The following RBM23 variants were observed in gnomAD, a reference collection of about 807,000 sequenced individuals.
RBM23 encodes the protein probable RNA-binding protein 23.
In RBM23, 53 loss-of-function variants were observed where a neutral mutation model predicts 56.2. That is an observed-to-expected ratio of 0.94 (90% CI 0.76 to 1.19). The LOEUF is 1.19. Among genes scored for constraint, RBM23 ranks in the 50% most tolerant of loss-of-function variants. The pLI is 0.00. For synonymous variants in RBM23, 197 were observed against 198.5 expected (o/e 0.99, Z 0.06); for missense variants, 642 against 590.3 (o/e 1.09, Z -0.91).
At chr14:22,910,938 G>A (rs1408217689) in intron 2 of RBM23, among the ~76,000 whole-genome samples, 2 of 152,142 alleles carry the variant, frequency 1.3e-5, no homozygotes, top group African/African-American at 2.4e-5. Flanking sequence ...TTGAACCCAG[G>A]AGGCGGAGGT....
intron 1 of RBM23, among the ~76,000 whole-genome samples, chr14:22,913,292 T>TAGTC (rs2042907999): frequency 6.6e-6 from 1 of 150,632 alleles, no homozygotes; most frequent in Non-Finnish European, 1.5e-5. Context: ...CGGGTGCTTG[T>TAGTC]AGTCCCAGCT....
rs1384370391 is a variant in RBM23, at chr14:22,893,682, C to T, written c.*8048G>A. The T allele has an allele frequency of 1.3e-5, 2 of 152,130 alleles. No homozygotes were observed. The highest frequency in any genetic ancestry group is 2.9e-5 in the Non-Finnish European group (2 of 68,038). 9.4% of individuals were successfully genotyped at this position (152,130 alleles called of 1,614,324 possible). ...GCACAGAGAAGAAACAGTGGGCAGC[C>T]CACCACATGAGGAAAAGGCCCTTCC... On this transcript the variant is annotated 3_prime_UTR_variant, in exon 14 of 14. Transcript: ENST00000359890.
intron 2 of RBM23, among the ~76,000 whole-genome samples, chr14:22,910,705 TA>T (rs1024780669): frequency 2.0e-5 from 3 of 151,540 alleles, no homozygotes; most frequent in Non-Finnish European, 4.4e-5. Flanking sequence ...CCTGTCTCTA[TA>T]AAAAATATAT....
rs183792993 is a variant in RBM23 at position 22,898,542 on chromosome 14, G to A, written c.*3188C>T. On this transcript the variant is annotated 3_prime_UTR_variant, in exon 14 of 14. Coordinates refer to ENST00000359890, the MANE Select transcript of RBM23 (RefSeq NM_001077351.2). ...GGGATGAGTAACAAGAAGGCACTGA[G>A]TCACACACGGACAGCAACTGTCACT... is the stretch of plus-strand genomic sequence containing the variant. The A allele has an allele frequency of 6.6e-6, 1 of 152,060 alleles. No homozygotes were observed. Among genetic ancestry groups the A allele is most frequent in the Admixed American group, 6.6e-5 (1 of 15,244 alleles). The allele number at this position is 152,060 out of a possible 1,614,324, so 9.4% of individuals were successfully genotyped here.
In RBM23 at chr14:22,902,056, G is replaced by GGCAGCAGCA; in HGVS notation, c.1161_1169dup (p.Ala391_Ala393dup). The GGCAGCAGCA allele has an allele frequency of 3.1e-6, 5 of 1,605,896 alleles. No individual in the cohort carries two copies. In the South Asian group the frequency reaches 4.4e-5, roughly 14 times the overall value. Reference sequence around the variant, plus strand: ...GCAAGGCAGCAGCCTGGGCGGCGGCGGCAGCAGCAGCAGCAGCAGTGCTTG... The same window carrying GGCAGCAGCA: ...GCAAGGCAGCAGCCTGGGCGGCGGCGGCAGCAGCAGCAGCAGCAGCAGCAGCAGTGCTTG... On this transcript the variant is annotated inframe_insertion, in exon 12 of 14. Transcript: ENST00000359890.
At chr14:22,918,397 A>AAGT (rs751199381) in intron 1 of RBM23, among the ~76,000 whole-genome samples, 316 of 86,902 alleles carry the variant, frequency 3.6e-3, no homozygotes, top group African/African-American at 7.4e-3. Context: ...CGCCTTAAAA[A>AAGT]AATAAAAAAA....
At chr14:22,916,688 A>G (rs2043567473) in intron 1 of RBM23, among the ~76,000 whole-genome samples, 1 of 152,070 alleles carries the variant, frequency 6.6e-6, no homozygotes, top group African/African-American at 2.4e-5. Flanking sequence ...CAGTATACCA[A>G]GATACCTACT....
rs1020578067 is a variant in RBM23 at position 22,896,783 on chromosome 14, C to G, written c.*4947G>C. 3.3e-5 allele frequency: 5 copies of G among 152,224 alleles called. No homozygotes were observed. The highest frequency in any genetic ancestry group is 1.2e-4 in the African/African-American group (5 of 41,448). 9.4% of individuals were successfully genotyped at this position (152,224 alleles called of 1,614,324 possible). A position where few individuals can be genotyped will look rare whatever the true frequency, so the allele number is the denominator to read the frequency against. ...AAGTTGGTTGGTCTGCTTCACCTCACTTTCACAGAGCTCTCTCAACCAAGG... is the reference window on the plus strand; with the variant it reads ...AAGTTGGTTGGTCTGCTTCACCTCAGTTTCACAGAGCTCTCTCAACCAAGG... On this transcript the variant is annotated 3_prime_UTR_variant, in exon 14 of 14. Coordinates refer to ENST00000359890, the MANE Select transcript of RBM23 (RefSeq NM_001077351.2).
Position 22,901,803 on chromosome 14 carries a change from C to G in RBM23, c.1316+11G>C, listed in dbSNP as rs534337472. ...ATCAAAGGCTAGAATGAGCTAGACC[C>G]TGAGACTCACATGGTCTGGGGGGTA... On this transcript the variant is annotated intron_variant, in intron 13 of 13. Coordinates refer to ENST00000359890, the MANE Select transcript of RBM23 (RefSeq NM_001077351.2). 8 of 1,614,028 alleles carry G rather than the reference C, an allele frequency of 5.0e-6. No individual in the cohort carries two copies. The South Asian group carries it at 8.8e-5, about 18-fold the overall frequency.
intron 10 of RBM23, chr14:22,903,703 G>A (rs1375153919): frequency 2.0e-6 from 2 of 1,009,536 alleles, no homozygotes; most frequent in Non-Finnish European, 1.2e-6. Context: ...GAGTCACATG[G>A]GGCTGGAAGA....
intron 10 of RBM23, chr14:22,903,628 T>C (rs947045896): frequency 1.0e-6 from 1 of 999,552 alleles, no homozygotes. Flanking sequence ...GTATGCTGCC[T>C]GGTTTAAGCC....
Position 22,901,441 on chromosome 14 carries a change from G to A in RBM23, c.*289C>T. ...TGAGGAATCACTAAGGTGTTGGAAA[G>A]GGCAAGAAGGTAATCTCAGAGACGA... is the stretch of plus-strand genomic sequence containing the variant. On this transcript the variant is annotated 3_prime_UTR_variant, in exon 14 of 14. Transcript: ENST00000359890. The A allele has an allele frequency of 1.8e-6, 1 of 555,978 alleles. No individual in the cohort carries two copies. The highest frequency in any genetic ancestry group is 3.2e-6 in the Non-Finnish European group (1 of 311,682). The allele number at this position is 555,978 out of a possible 1,614,324, so 34.4% of individuals were successfully genotyped here. A position where few individuals can be genotyped will look rare whatever the true frequency, so the allele number is the denominator to read the frequency against.
chr14:22,901,985 A>G lies in RBM23; in HGVS notation c.1241T>C (p.Leu414Pro). 1 of 1,611,668 alleles carries G rather than the reference A, an allele frequency of 6.2e-7. No homozygotes were observed. The highest frequency in any genetic ancestry group is 1.1e-5 in the South Asian group (1 of 90,944). ...VPLGALNPAALTALSPALNLA... is the reference protein window; with the variant it reads ...VPLGALNPAAPTALSPALNLA... ...TTTCCCATGTCCAAGACTACCAGTC[A>G]GAGCTGCTGGATTCAGGGCCCCCAA... Residue 414 changes from leucine (L) to proline (P), a missense_variant, in exon 12 of 14, where the codon CTG becomes CCG. By Grantham distance (98) the Leu-to-Pro change is moderately conservative. Transcript: ENST00000359890.
At chr14:22,915,539 A>G (rs1439246200) in intron 1 of RBM23, among the ~76,000 whole-genome samples, 5 of 132,788 alleles carry the variant, frequency 3.8e-5, no homozygotes, top group Admixed American at 8.2e-5. Flanking sequence ...TCTGTTGTCC[A>G]GGCTGGAGTG....
Position 22,919,089 on chromosome 14 carries a change from G to A in RBM23, c.-101C>T, listed in dbSNP as rs1022116668. 3.9e-5 allele frequency: 6 copies of A among 152,122 alleles called. No homozygotes were observed. Among genetic ancestry groups the A allele is most frequent in the South Asian group, 2.1e-4 (1 of 4,832 alleles). 9.4% of individuals were successfully genotyped at this position (152,122 alleles called of 1,614,324 possible). ...GAGCTCGGATAGTTCCTAGAGTCTA[G>A]GCAAGAAAAGCAGCACTGCAGGTAC... On this transcript the variant is annotated 5_prime_UTR_variant, in exon 1 of 14. Transcript: ENST00000359890.
rs759136162 is a variant in RBM23 at position 22,901,964 on chromosome 14, C to A, written c.1246+16G>T. 6.2e-7 allele frequency: 1 copy of A among 1,610,950 alleles called. No individual in the cohort carries two copies. Among genetic ancestry groups the A allele is most frequent in the Non-Finnish European group, 8.5e-7 (1 of 1,177,706 alleles). ...GACCCCCAAACCTTCCCTTCCTTTCCCATGTCCAAGACTACCAGTCAGAGC... is the reference window on the plus strand; with the variant it reads ...GACCCCCAAACCTTCCCTTCCTTTCACATGTCCAAGACTACCAGTCAGAGC... On this transcript the variant is annotated intron_variant, in intron 12 of 13. Coordinates refer to ENST00000359890, the MANE Select transcript of RBM23 (RefSeq NM_001077351.2).
intron 1 of RBM23, among the ~76,000 whole-genome samples, chr14:22,916,740 G>A (rs1206656740): frequency 6.6e-6 from 1 of 151,816 alleles, no homozygotes; most frequent in African/African-American, 2.4e-5. Context: ...CTTCTCATAT[G>A]TTTATCAAAA....
Position 22,904,976 on chromosome 14 carries a change from G to A in RBM23, c.763C>T (p.Leu255=). 1 of 1,614,240 alleles carries A rather than the reference G, an allele frequency of 6.2e-7. No homozygotes were observed. The highest frequency in any genetic ancestry group is 1.3e-5 in the African/African-American group (1 of 75,052). Residue 255 remains leucine (L), a synonymous_variant, in exon 9 of 14, where the codon CTG becomes TTG. Coordinates refer to ENST00000359890, the MANE Select transcript of RBM23 (RefSeq NM_001077351.2). ...ATTGGTCCACCATTGCCCTTTTGCA[G>A]GTTGTTGGCCATGGCTGCCAGTCGG... The part of the protein sequence containing the change: ...KNRLAAMANN[L]QKGNGGPMRL...
At position 22,902,040 on chromosome 14, in the gene RBM23, C is replaced by T; in HGVS notation, c.1186G>A (p.Ala396Thr). The change falls in exon 12 of 14, where the codon GCT (alanine) becomes ACT (threonine). Residue 396 changes from alanine to threonine, a missense_variant. By Grantham distance (58) the Ala-to-Thr change is moderately conservative. Transcript: ENST00000359890. ...ACTGCTCCATTCAGTTGCAAGGCAGCAGCCTGGGCGGCGGCGGCAGCAGCA... is the reference window on the plus strand; with the variant it reads ...ACTGCTCCATTCAGTTGCAAGGCAGTAGCCTGGGCGGCGGCGGCAGCAGCA... ...AAAAAAAAQA[A>T]ALQLNGAVPL... 6.3e-7 allele frequency: 1 copy of T among 1,599,522 alleles called. No individual in the cohort carries two copies. Among genetic ancestry groups the T allele is most frequent in the African/African-American group, 1.3e-5 (1 of 74,694 alleles).
Sources: gnomAD v4.1 joint callset for allele counts (sites outside exome capture counted in the v4.1 genomes callset) on GRCh38, gnomAD v4.1.1 for gene constraint, MANE v1.5 for transcripts, NCBI Gene and HGNC (gene_info 2026-07-23, HGNC 2026-07-21) for gene names.